The following SBF2 variants were observed in gnomAD, a reference collection of about 807,000 sequenced individuals.
SBF2 encodes the protein myotubularin-related protein 13.
Under a neutral mutation model 225.2 loss-of-function variants are expected in SBF2, and 112 were observed. The observed-to-expected ratio is 0.50, with a 90% CI of 0.43 to 0.58. The LOEUF (loss-of-function observed/expected upper bound fraction) is 0.58. Among genes scored for constraint, SBF2 ranks in the 20% least tolerant of loss-of-function variants. The pLI is 0.00. For missense variants in SBF2, 1,996 were observed against 2,206.2 expected, an observed-to-expected ratio of 0.90 and a Z score of 1.91; for synonymous variants, 763 against 773.3, an observed-to-expected ratio of 0.99 and a Z score of 0.22.
At chr11:10,120,457 G>C (rs908210082) in intron 2 of SBF2, among the ~76,000 whole-genome samples, 1 of 152,134 alleles carries the variant, frequency 6.6e-6, no homozygotes, top group Admixed American at 6.5e-5. Context: ...TGGAATTGTT[G>C]AATCATTCAG....
At position 9,780,378 on chromosome 11, in the gene SBF2, T is replaced by G. The variant is rs3751000; in HGVS notation, c.*40A>C. ...TTCTTTTTCTATCTATCTGGCAGCA[T>G]GAGTTCTTCTGTTTCTTCTGCGTGG... On this transcript the variant is annotated 3_prime_UTR_variant, in exon 40 of 40. Coordinates refer to ENST00000256190, the MANE Select transcript of SBF2 (RefSeq NM_030962.4). The G allele has an allele frequency of 0.27, 402,155 of 1,517,130 alleles. 55,554 individuals are homozygous for G. The highest frequency in any genetic ancestry group is 0.39 in the Admixed American group (23,454 of 59,532). 94.0% of individuals were successfully genotyped at this position (1,517,130 alleles called of 1,614,324 possible).
At chr11:10,221,838 C>G (rs746190788) in intron 1 of SBF2, among the ~76,000 whole-genome samples, 10 of 152,188 alleles carry the variant, frequency 6.6e-5, no homozygotes, top group Admixed American at 1.3e-4. Context: ...GAGGGCAGAT[C>G]CAGTCAGCAC....
chr11:10,148,956 A>C (rs1955026099), intron 2 of SBF2, among the ~76,000 whole-genome samples: 1 of 152,188 alleles, frequency 6.6e-6, no homozygotes, highest in South Asian at 2.1e-4. Flanking sequence ...CCGTGGCCAC[A>C]TATGAAGTTG....
intron 16 of SBF2, among the ~76,000 whole-genome samples, chr11:9,907,828 A>T (rs1011739987): frequency 2.0e-5 from 3 of 152,232 alleles, no homozygotes; most frequent in African/African-American, 7.2e-5. Flanking sequence ...ATTTACAGAT[A>T]TTATTTCATT....
chr11:10,047,793 C>G (rs1036252080), intron 2 of SBF2, among the ~76,000 whole-genome samples: 1 of 152,082 alleles, frequency 6.6e-6, no homozygotes, highest in Non-Finnish European at 1.5e-5. Context: ...ATTAGCAAAT[C>G]AGTAAAAACA....
At chr11:10,249,150 A>T (rs1460397520) in intron 1 of SBF2, among the ~76,000 whole-genome samples, 1 of 152,198 alleles carries the variant, frequency 6.6e-6, no homozygotes, top group African/African-American at 2.4e-5. Context: ...CTAAATTTAA[A>T]GGGGTATTAT....
intron 16 of SBF2, among the ~76,000 whole-genome samples, chr11:9,901,755 C>T (rs1372605145): frequency 1.3e-5 from 2 of 152,104 alleles, no homozygotes; most frequent in African/African-American, 2.4e-5. Context: ...GGTGATCCTC[C>T]CACCTCAGCC....
At chr11:10,059,683 T>C (rs1950363193) in intron 2 of SBF2, among the ~76,000 whole-genome samples, 2 of 152,128 alleles carry the variant, frequency 1.3e-5, no homozygotes, top group Non-Finnish European at 2.9e-5. Flanking sequence ...AAACACACTC[T>C]TGGACCACAG....
chr11:10,139,122 A>T (rs73412879), intron 2 of SBF2, among the ~76,000 whole-genome samples: 1,554 of 152,348 alleles, frequency 0.01, 32 homozygotes, highest in African/African-American at 0.035. Context: ...TACATATTTA[A>T]ATTTCATTTG....
At chr11:10,285,432 T>C (rs1218579749) in intron 1 of SBF2, among the ~76,000 whole-genome samples, 2 of 151,928 alleles carry the variant, frequency 1.3e-5, no homozygotes, top group Middle Eastern at 6.9e-3. Flanking sequence ...GGCAGGAGAA[T>C]AGGACCTGGT....
chr11:10,010,068 A>G lies in SBF2; in HGVS notation c.620-7379T>C, dbSNP rs538652471. 8.5e-5 allele frequency among the ~76,000 whole-genome samples: 13 copies of G among 152,204 alleles called. No homozygotes were observed. The South Asian group carries it at 2.7e-3, about 32-fold the overall frequency. On this transcript the variant is annotated intron_variant, in intron 6 of 39. Coordinates refer to ENST00000256190, the MANE Select transcript of SBF2 (RefSeq NM_030962.4). ...GCCTTCCTTTGAGAAGTGTCTGTTCATATCTTTCACCCACTTTTTGATGAG... is the reference window on the plus strand; with the variant it reads ...GCCTTCCTTTGAGAAGTGTCTGTTCGTATCTTTCACCCACTTTTTGATGAG...
intron 16 of SBF2, among the ~76,000 whole-genome samples, chr11:9,933,746 A>T (rs1233660325): frequency 3.9e-5 from 6 of 152,224 alleles, no homozygotes; most frequent in African/African-American, 1.4e-4. Flanking sequence ...CACAATCAAA[A>T]GAACTAAAGA....
chr11:10,157,487 C>A (rs768630533), intron 2 of SBF2, among the ~76,000 whole-genome samples: 1 of 152,128 alleles, frequency 6.6e-6, no homozygotes, highest in African/African-American at 2.4e-5. Context: ...AGAAAACCTA[C>A]CGAATGGGAG....
At chr11:10,073,048 G>A (rs982244568) in intron 2 of SBF2, among the ~76,000 whole-genome samples, 3 of 152,034 alleles carry the variant, frequency 2.0e-5, no homozygotes, top group African/African-American at 4.8e-5. Flanking sequence ...GTGAGTCATC[G>A]CACCCAGTGG....
intron 17 of SBF2, among the ~76,000 whole-genome samples, chr11:9,874,395 A>G (rs1156807307): frequency 6.6e-6 from 1 of 152,130 alleles, no homozygotes; most frequent in Non-Finnish European, 1.5e-5. Context: ...AGAGACCCCT[A>G]AAAAAATTAT....
intron 33 of SBF2, among the ~76,000 whole-genome samples, chr11:9,792,476 G>A (rs558060299): frequency 6.6e-6 from 1 of 152,080 alleles, no homozygotes; most frequent in African/African-American, 2.4e-5. Flanking sequence ...AGCAGTGGTT[G>A]AGATTACTTA....
intron 1 of SBF2, among the ~76,000 whole-genome samples, chr11:10,254,138 C>A (rs981111649): frequency 1.3e-5 from 2 of 152,072 alleles, no homozygotes; most frequent in African/African-American, 2.4e-5. Flanking sequence ...AATCCCCACA[C>A]TTTGGGAGGC....
intron 1 of SBF2, among the ~76,000 whole-genome samples, chr11:10,300,439 G>A (rs1275309337): frequency 1.3e-5 from 2 of 152,118 alleles, no homozygotes; most frequent in African/African-American, 2.4e-5. Context: ...GCCAAGGCGA[G>A]TGGATCTCTT....
intron 36 of SBF2, among the ~76,000 whole-genome samples, chr11:9,786,153 G>A (rs539799183): frequency 1.3e-5 from 2 of 152,212 alleles, no homozygotes; most frequent in East Asian, 1.9e-4. Flanking sequence ...GAGCCACTGC[G>A]CCTGGCAGAC....
Sources: gnomAD v4.1 joint callset for allele counts (sites outside exome capture counted in the v4.1 genomes callset) on GRCh38, gnomAD v4.1.1 for gene constraint, MANE v1.5 for transcripts, NCBI Gene and HGNC (gene_info 2026-07-23, HGNC 2026-07-21) for gene names.